RANBP17: variants seen among roughly 807,000 people sequenced by gnomAD.
The protein encoded by RANBP17 is RAN binding protein 17.
RANBP17 carries 158 observed loss-of-function variants against 141.2 expected under a neutral mutation model. The ratio of observed to expected loss-of-function variants is 1.12; its 90% CI spans 0.98 to 1.28. The LOEUF is 1.28. Ranked by LOEUF, RANBP17 falls within the 50% of genes most tolerant of loss-of-function variation. RANBP17 has a pLI of 0.00. For missense variants in RANBP17, 1,438 were observed against 1,290.7 expected (o/e 1.11, Z -1.75); for synonymous variants, 430 against 450.0 (o/e 0.96, Z 0.56).
intron 14 of RANBP17, among the ~76,000 whole-genome samples, chr5:170,975,986 C>T (rs559156779): frequency 7.8e-5 from 7 of 89,954 alleles, no homozygotes; most frequent in African/African-American, 2.1e-4. Context: ...GATAAATAGG[C>T]AAAAAACAAA....
At chr5:171,062,211 G>C (rs913322155) in intron 14 of RANBP17, among the ~76,000 whole-genome samples, 1 of 152,034 alleles carries the variant, frequency 6.6e-6, no homozygotes, top group African/African-American at 2.4e-5. Flanking sequence ...TATGATGTTA[G>C]CTGGTGATTT....
rs111506121 is a variant in RANBP17, at chr5:171,196,581, A to G, written c.2039-3089A>G. Among the ~76,000 whole-genome samples the G allele has an allele frequency of 9.4e-3, 1,430 of 152,300 alleles. 25 individuals are homozygous for G. Among genetic ancestry groups the G allele is most frequent in the African/African-American group, 0.033 (1,366 of 41,564 alleles). On this transcript the variant is annotated intron_variant, in intron 18 of 27. Transcript: ENST00000523189. ...CCTCTCTAAGTCCATGTTAGACTCA[A>G]GACAACAATAGTGCTAATGGCTGTC...
intron 24 of RANBP17, among the ~76,000 whole-genome samples, chr5:171,245,748 A>G (rs767294254): frequency 2.6e-5 from 4 of 152,180 alleles, no homozygotes; most frequent in Non-Finnish European, 5.9e-5. Context: ...TGTTAACCTT[A>G]TGACATTCCA....
At chr5:170,946,754 T>A (rs925564059) in intron 12 of RANBP17, among the ~76,000 whole-genome samples, 17 of 152,172 alleles carry the variant, frequency 1.1e-4, no homozygotes, top group Non-Finnish European at 2.9e-5. Context: ...AACATGTGTT[T>A]TCTATATAAG....
intron 14 of RANBP17, among the ~76,000 whole-genome samples, chr5:171,013,691 T>C (rs1320927794): frequency 6.6e-6 from 1 of 152,134 alleles, no homozygotes; most frequent in African/African-American, 2.4e-5. Flanking sequence ...TCAGATAGTG[T>C]TTAAACCTCC....
chr5:171,087,834 C>A (rs1785805827), intron 14 of RANBP17, among the ~76,000 whole-genome samples: 3 of 150,446 alleles, frequency 2.0e-5, no homozygotes, highest in Admixed American at 6.6e-5. Context: ...TTCCTCCATC[C>A]TTTTATTTTG....
At chr5:170,920,194 A>G (rs1772318623) in intron 11 of RANBP17, among the ~76,000 whole-genome samples, 1 of 152,102 alleles carries the variant, frequency 6.6e-6, no homozygotes, top group African/African-American at 2.4e-5. Flanking sequence ...GATTCCTGGG[A>G]TGCATGTTAA....
intron 12 of RANBP17, among the ~76,000 whole-genome samples, chr5:170,930,284 A>T (rs377142422): frequency 7.9e-5 from 12 of 152,098 alleles, no homozygotes; most frequent in East Asian, 3.9e-4. Flanking sequence ...TAATAAAAAC[A>T]TTTAAAGCTA....
intron 14 of RANBP17, among the ~76,000 whole-genome samples, chr5:171,102,054 C>G (rs955082777): frequency 6.6e-6 from 1 of 152,142 alleles, no homozygotes; most frequent in Admixed American, 6.5e-5. Context: ...CTTGGAGAAT[C>G]TGATGATTAT....
At chr5:171,089,975 G>A (rs556193426) in intron 14 of RANBP17, among the ~76,000 whole-genome samples, 4 of 152,312 alleles carry the variant, frequency 2.6e-5, no homozygotes, top group Non-Finnish European at 4.4e-5. Flanking sequence ...GGCCATCTTC[G>A]TGGTTATGTC....
chr5:171,283,082 C>T (rs966934091), intron 25 of RANBP17, among the ~76,000 whole-genome samples: 1 of 152,150 alleles, frequency 6.6e-6, no homozygotes, highest in African/African-American at 2.4e-5. Flanking sequence ...TCAAACTTCT[C>T]TTATTCTCAA....
intron 18 of RANBP17, among the ~76,000 whole-genome samples, chr5:171,189,093 A>G (rs1010813985): frequency 6.6e-6 from 1 of 152,178 alleles, no homozygotes; most frequent in Non-Finnish European, 1.5e-5. Flanking sequence ...TATCTGTTGC[A>G]TTACAAGCAC....
intron 21 of RANBP17, among the ~76,000 whole-genome samples, chr5:171,217,500 T>G (rs949162660): frequency 2.0e-5 from 3 of 152,216 alleles, no homozygotes; most frequent in African/African-American, 7.2e-5. Context: ...AGCTCCTCTT[T>G]GTACCTCTGG....
At chr5:170,922,609 G>C (rs995854628) in intron 11 of RANBP17, among the ~76,000 whole-genome samples, 12 of 152,234 alleles carry the variant, frequency 7.9e-5, no homozygotes, top group African/African-American at 2.4e-4. Flanking sequence ...CTCCGTGGGC[G>C]TGGGACCCAC....
At chr5:170,900,646 C>T (rs776135672) in intron 5 of RANBP17, among the ~76,000 whole-genome samples, 48 of 152,150 alleles carry the variant, frequency 3.2e-4, no homozygotes, top group Non-Finnish European at 6.2e-4. Flanking sequence ...TGGTTGTGGG[C>T]ATTTAGTGCT....
chr5:171,089,643 G>A (rs570889652), intron 14 of RANBP17, among the ~76,000 whole-genome samples: 3 of 152,128 alleles, frequency 2.0e-5, no homozygotes, highest in Non-Finnish European at 4.4e-5. Context: ...CGAGCCAGGT[G>A]TGGGATATAA....
chr5:171,196,792 C>T (rs147553252), intron 18 of RANBP17, among the ~76,000 whole-genome samples: 3 of 152,242 alleles, frequency 2.0e-5, no homozygotes, highest in East Asian at 1.9e-4. Context: ...CTAACAGTGG[C>T]AGAGCCAGGA....
chr5:171,169,649 T>C (rs1759957506), intron 14 of RANBP17, among the ~76,000 whole-genome samples: 1 of 151,640 alleles, frequency 6.6e-6, no homozygotes, highest in Non-Finnish European at 1.5e-5. Context: ...AGAATTTCTA[T>C]AAGTTAACTT....
intron 14 of RANBP17, among the ~76,000 whole-genome samples, chr5:171,104,879 A>T (rs548492790): frequency 3.3e-5 from 5 of 152,296 alleles, no homozygotes; most frequent in Middle Eastern, 6.8e-3. Flanking sequence ...GCTATTACAA[A>T]TATTATTATC....
Sources: allele counts gnomAD v4.1 joint callset (sites outside exome capture counted in the v4.1 genomes callset), GRCh38; gene constraint gnomAD v4.1.1; transcripts MANE v1.5; gene names NCBI Gene and HGNC (gene_info 2026-07-23, HGNC 2026-07-21).